The following CNTN4 variants were observed in gnomAD, a reference collection of about 807,000 sequenced individuals.
CNTN4 encodes contactin 4.
In CNTN4, 77 loss-of-function variants were observed where a neutral mutation model predicts 122.5. That is an observed-to-expected ratio of 0.63 (90% CI 0.52 to 0.76). The LOEUF (loss-of-function observed/expected upper bound fraction) is 0.76, where lower values mean the gene tolerates loss of function less well. CNTN4 is among the 30% of genes least tolerant of loss of function. CNTN4 has a pLI of 0.00. For missense variants in CNTN4, 1,256 were observed against 1,259.1 expected (o/e 1.00, Z 0.04); for synonymous variants, 512 against 447.0 (o/e 1.15, Z -1.83).
At chr3:2,425,205 T>A (rs906031192) in intron 3 of CNTN4, among the ~76,000 whole-genome samples, 1 of 152,206 alleles carries the variant, frequency 6.6e-6, no homozygotes, top group Non-Finnish European at 1.5e-5. Context: ...TGGTTTTAGA[T>A]CTAACATTTA....
At chr3:2,391,038 C>G (rs2046422835) in intron 3 of CNTN4, among the ~76,000 whole-genome samples, 2 of 152,260 alleles carry the variant, frequency 1.3e-5, no homozygotes, top group South Asian at 4.1e-4. Context: ...TTGCAGATTC[C>G]AAATAGCTGG....
chr3:2,568,930 T>G (rs2079299931), intron 3 of CNTN4, among the ~76,000 whole-genome samples: 1 of 152,222 alleles, frequency 6.6e-6, no homozygotes, highest in Non-Finnish European at 1.5e-5. Flanking sequence ...AGAAACTGCT[T>G]AACATTGTAG....
chr3:2,169,408 A>G (rs1320122515), intron 2 of CNTN4, among the ~76,000 whole-genome samples: 2 of 152,008 alleles, frequency 1.3e-5, no homozygotes, highest in East Asian at 3.9e-4. Context: ...GAATGATAAA[A>G]TAAACTTTTT....
At chr3:2,812,742 T>G (rs1026507801) in intron 6 of CNTN4, among the ~76,000 whole-genome samples, 4 of 152,210 alleles carry the variant, frequency 2.6e-5, no homozygotes, top group African/African-American at 9.6e-5. Context: ...AGGCAGCATC[T>G]TAAGTGCTTT....
At chr3:2,136,915 A>G (rs1040031623) in intron 2 of CNTN4, among the ~76,000 whole-genome samples, 2 of 152,228 alleles carry the variant, frequency 1.3e-5, no homozygotes, top group Non-Finnish European at 2.9e-5. Flanking sequence ...AACTGGTTGC[A>G]TGCCATCCGG....
chr3:2,849,883 G>A (rs997942335), intron 7 of CNTN4, among the ~76,000 whole-genome samples: 2 of 152,074 alleles, frequency 1.3e-5, no homozygotes, highest in African/African-American at 4.8e-5. Flanking sequence ...TTGCCTTGAA[G>A]AAATACAGGT....
intron 14 of CNTN4, chr3:2,999,265 T>G (rs1258631095): frequency 6.6e-6 from 1 of 152,198 alleles, no homozygotes; most frequent in Non-Finnish European, 1.5e-5. Context: ...TGTTTCTATC[T>G]CCTGCTCCTC....
intron 2 of CNTN4, among the ~76,000 whole-genome samples, chr3:2,326,485 T>TAC (rs10557917): frequency 0.047 from 5,972 of 125,952 alleles, 133 homozygotes; most frequent in African/African-American, 0.058. Flanking sequence ...CTAATAAATT[T>TAC]ACACACACAC....
At chr3:2,618,531 A>C (rs2081868566) in intron 4 of CNTN4, among the ~76,000 whole-genome samples, 1 of 152,154 alleles carries the variant, frequency 6.6e-6, no homozygotes, top group Non-Finnish European at 1.5e-5. Flanking sequence ...TCATTTTTAC[A>C]ACAACCTATG....
At chr3:2,485,366 G>C (rs1048703851) in intron 3 of CNTN4, among the ~76,000 whole-genome samples, 1 of 152,252 alleles carries the variant, frequency 6.6e-6, no homozygotes, top group African/African-American at 2.4e-5. Context: ...GGTGAAGCCA[G>C]CTGGGCTCCT....
chr3:2,800,728 A>G (rs549078146), intron 6 of CNTN4, among the ~76,000 whole-genome samples: 15 of 152,192 alleles, frequency 9.9e-5, no homozygotes, highest in Admixed American at 3.9e-4. Context: ...CTCTGTCCCA[A>G]TACCTCCCTG....
chr3:2,632,181 T>C (rs1000134104), intron 4 of CNTN4, among the ~76,000 whole-genome samples: 1 of 152,174 alleles, frequency 6.6e-6, no homozygotes. Flanking sequence ...ATTTTTCTAA[T>C]TGTTTAATTC....
chr3:2,468,036 T>C (rs959900377), intron 3 of CNTN4, among the ~76,000 whole-genome samples: 4 of 152,182 alleles, frequency 2.6e-5, no homozygotes. Flanking sequence ...ATTCCTAGTT[T>C]AGTGATATTT....
intron 13 of CNTN4, among the ~76,000 whole-genome samples, chr3:2,971,056 G>A (rs956538522): frequency 6.6e-6 from 1 of 152,144 alleles, no homozygotes; most frequent in Non-Finnish European, 1.5e-5. Context: ...CAAAGTGCTG[G>A]GATTACAGGC....
At chr3:2,441,391 C>T (rs1299639463) in intron 3 of CNTN4, among the ~76,000 whole-genome samples, 1 of 152,138 alleles carries the variant, frequency 6.6e-6, no homozygotes, top group Non-Finnish European at 1.5e-5. Flanking sequence ...ATCAGCATTG[C>T]TTACCATAGG....
intron 12 of CNTN4, among the ~76,000 whole-genome samples, chr3:2,911,244 A>G (rs955574431): frequency 2.0e-5 from 3 of 152,180 alleles, no homozygotes; most frequent in Non-Finnish European, 4.4e-5. Flanking sequence ...TACCACAGAC[A>G]CTAGGGGAGG....
intron 2 of CNTN4, among the ~76,000 whole-genome samples, chr3:2,130,843 G>A (rs1044471612): frequency 6.6e-6 from 1 of 152,198 alleles, no homozygotes; most frequent in African/African-American, 2.4e-5. Context: ...TATGCTACTA[G>A]TGCTGTGTGC....
chr3:2,671,000 A>C (rs2084479718), intron 4 of CNTN4, among the ~76,000 whole-genome samples: 1 of 152,172 alleles, frequency 6.6e-6, no homozygotes, highest in Non-Finnish European at 1.5e-5. Context: ...GGGTAACCCG[A>C]CCTTTCTCTC....
chr3:2,872,477 TG>T (rs1400126014), intron 8 of CNTN4, among the ~76,000 whole-genome samples: 1 of 152,172 alleles, frequency 6.6e-6, no homozygotes, highest in Non-Finnish European at 1.5e-5. Flanking sequence ...TTTTTTGTTT[TG>T]TTTTGTTTTT....
Sources: gnomAD v4.1 joint callset for allele counts (sites outside exome capture counted in the v4.1 genomes callset) on GRCh38, gnomAD v4.1.1 for gene constraint, MANE v1.5 for transcripts, NCBI Gene and HGNC (gene_info 2026-07-23, HGNC 2026-07-21) for gene names.